Variants in THSD7A observed in about 807,000 individuals in gnomAD.
THSD7A encodes the protein thrombospondin type 1 domain containing 7A.
Under a neutral mutation model 231.3 loss-of-function variants are expected in THSD7A, and 96 were observed. That is an observed-to-expected ratio of 0.41 (90% CI 0.35 to 0.49). THSD7A has a LOEUF of 0.49. THSD7A is among the 20% of genes least tolerant of loss of function. The pLI is 0.05. For synonymous variants in THSD7A, 940 were observed against 743.3 expected (o/e 1.26, Z -4.30); for missense variants, 2,290 against 2,070.2 (o/e 1.11, Z -2.06).
At chr7:11,751,241 A>G (rs1408356409) in intron 1 of THSD7A, 1 of 152,054 alleles carries the variant, frequency 6.6e-6, no homozygotes, top group African/African-American at 2.4e-5. Flanking sequence ...TGTTGGTCCA[A>G]CAGATGCAGG....
chr7:11,769,158 T>A (rs1430144732), intron 1 of THSD7A, among the ~76,000 whole-genome samples: 3 of 111,062 alleles, frequency 2.7e-5, no homozygotes, highest in Non-Finnish European at 5.8e-5. Flanking sequence ...TATATATTTT[T>A]TTTTTTTTTT....
chr7:11,591,232 A>T (rs1780153166), intron 3 of THSD7A, among the ~76,000 whole-genome samples: 1 of 148,720 alleles, frequency 6.7e-6, no homozygotes, highest in Non-Finnish European at 1.5e-5. Context: ...GGCACTTCTC[A>T]TCAGTGGAGC....
intron 24 of THSD7A, among the ~76,000 whole-genome samples, chr7:11,380,260 TTTGCACTA>T (rs1782459284): frequency 6.6e-6 from 1 of 152,170 alleles, no homozygotes; most frequent in Non-Finnish European, 1.5e-5. Context: ...AATCATTTGT[TTTGCACTA>T]TGGTTTTAAC....
rs1469403762 is a variant in THSD7A, at chr7:11,814,734, G to C, written c.190+17023C>G. ...GGGAGAGAAATGTATCTTAGCAGCA[G>C]TCAAAGCTCTCCTTATGAATTATTT... On this transcript the variant is annotated intron_variant, in intron 1 of 27. Coordinates refer to ENST00000423059, the MANE Select transcript of THSD7A (RefSeq NM_015204.3). This position sits in a 1 kb window ranked among gnomAD's most constrained non-coding sequence, Gnocchi z 5.1. Among the ~76,000 whole-genome samples, 8 of 152,160 alleles carry C rather than the reference G, an allele frequency of 5.3e-5. No individual in the cohort carries two copies. Among genetic ancestry groups the C allele is most frequent in the Non-Finnish European group, 7.3e-5 (5 of 68,028 alleles).
At chr7:11,652,072 T>C (rs545397270) in intron 1 of THSD7A, among the ~76,000 whole-genome samples, 1 of 151,992 alleles carries the variant, frequency 6.6e-6, no homozygotes, top group Non-Finnish European at 1.5e-5. Context: ...TTGCCCATAC[T>C]CTGGTTAACA....
chr7:11,470,099 C>T (rs1785876015), intron 8 of THSD7A, 105 bp from the exon 9 acceptor site: 5 of 759,010 alleles, frequency 6.6e-6, no homozygotes, highest in South Asian at 1.5e-5. Context: ...ACAAGTCACT[C>T]ATCTGTATTA....
chr7:11,587,643 T>A (rs1169892748), intron 4 of THSD7A, among the ~76,000 whole-genome samples: 1 of 152,208 alleles, frequency 6.6e-6, no homozygotes, highest in Non-Finnish European at 1.5e-5. Context: ...TACATTTTAT[T>A]ATTTTGGAAA....
intron 6 of THSD7A, among the ~76,000 whole-genome samples, chr7:11,514,518 G>A (rs1436142381): frequency 6.6e-6 from 1 of 152,162 alleles, no homozygotes. Flanking sequence ...AGGGCTTGAG[G>A]AGAAAAGAGA....
intron 27 of THSD7A, among the ~76,000 whole-genome samples, 182 bp from the exon 28 acceptor site, chr7:11,376,060 G>C (rs1412324857): frequency 2.0e-5 from 3 of 151,962 alleles, no homozygotes; most frequent in Non-Finnish European, 4.4e-5. Context: ...TTTATGCTTT[G>C]AATAAACTCT....
intron 1 of THSD7A, among the ~76,000 whole-genome samples, chr7:11,693,622 G>A (rs1007538529): frequency 2.0e-5 from 3 of 151,432 alleles, no homozygotes; most frequent in African/African-American, 4.8e-5. Context: ...AGTGGGCTTC[G>A]TGTCAGATAA....
intron 1 of THSD7A, among the ~76,000 whole-genome samples, chr7:11,704,354 A>G (rs1780696040): frequency 6.6e-6 from 1 of 151,026 alleles, no homozygotes; most frequent in African/African-American, 2.4e-5. Context: ...ATACTGAAAT[A>G]TTTCTTACTT....
chr7:11,778,954 T>C (rs1783535718), intron 1 of THSD7A, among the ~76,000 whole-genome samples: 1 of 152,168 alleles, frequency 6.6e-6, no homozygotes, highest in African/African-American at 2.4e-5. Context: ...ATATCAATCC[T>C]ATGAATGAAA....
At chr7:11,624,729 A>G in intron 2 of THSD7A, among the ~76,000 whole-genome samples, 1 of 152,140 alleles carries the variant, frequency 6.6e-6, no homozygotes, top group East Asian at 1.9e-4. Context: ...CCCATAAAAG[A>G]TACAAAATCT....
chr7:11,735,785 G>C (rs2128159040), intron 1 of THSD7A, among the ~76,000 whole-genome samples: 1 of 151,976 alleles, frequency 6.6e-6, no homozygotes, highest in South Asian at 2.1e-4. Context: ...ATAATGGCAA[G>C]TTTGATTTAT....
intron 1 of THSD7A, among the ~76,000 whole-genome samples, chr7:11,715,375 T>A (rs1254690578): frequency 6.6e-6 from 1 of 151,392 alleles, no homozygotes; most frequent in East Asian, 2.0e-4. Flanking sequence ...CAATAGCAAT[T>A]CTAAAATATG....
chr7:11,685,027 CAT>C (rs1714492578), intron 1 of THSD7A, among the ~76,000 whole-genome samples: 2 of 151,966 alleles, frequency 1.3e-5, no homozygotes, highest in South Asian at 2.1e-4. Context: ...AAAGCAAACA[CAT>C]AGATCATTGG....
intron 8 of THSD7A, among the ~76,000 whole-genome samples, chr7:11,472,213 G>C (rs1785965472): frequency 6.6e-6 from 1 of 152,058 alleles, no homozygotes; most frequent in African/African-American, 2.4e-5. Context: ...TGTACTGTTT[G>C]TATTTAGTGT....
chr7:11,574,060 C>T (rs1042700390), intron 4 of THSD7A, among the ~76,000 whole-genome samples: 2 of 152,042 alleles, frequency 1.3e-5, no homozygotes, highest in South Asian at 2.1e-4. Flanking sequence ...TGATTAGAGA[C>T]GTCACGTAGA....
chr7:11,515,636 G>A (rs903713461), intron 6 of THSD7A, among the ~76,000 whole-genome samples: 13 of 152,004 alleles, frequency 8.6e-5, no homozygotes, highest in African/African-American at 3.1e-4. Flanking sequence ...AAGCTACAGA[G>A]ATCTTTTATA....
Sources: gnomAD v4.1 joint callset for allele counts (sites outside exome capture counted in the v4.1 genomes callset) on GRCh38, gnomAD v4.1.1 for gene constraint, Gnocchi (gnomAD v3.1) non-coding constraint, MANE v1.5 for transcripts, NCBI Gene and HGNC (gene_info 2026-07-23, HGNC 2026-07-21) for gene names.